Variants in HSD17B2 observed in about 807,000 individuals in gnomAD.
The protein encoded by HSD17B2 is 17-beta-hydroxysteroid dehydrogenase type 2.
HSD17B2 carries 32 observed loss-of-function variants against 26.9 expected under a neutral mutation model. That is an observed-to-expected ratio of 1.19 (90% CI 0.90 to 1.60). The LOEUF is 1.60. Ranked by LOEUF, HSD17B2 falls within the 40% of genes most tolerant of loss-of-function variation. HSD17B2 has a pLI of 0.00. For missense variants in HSD17B2, 613 were observed against 468.6 expected, an observed-to-expected ratio of 1.31 and a Z score of -2.85; for synonymous variants, 246 against 186.7, an observed-to-expected ratio of 1.32 and a Z score of -2.59.
In HSD17B2 at chr16:82,071,059, T is replaced by A; in HGVS notation, c.596T>A (p.Val199Asp). 1 of 1,614,004 alleles carries A rather than the reference T, an allele frequency of 6.2e-7. No homozygotes were observed. The highest frequency in any genetic ancestry group is 8.5e-7 in the Non-Finnish European group (1 of 1,179,918). Residue 199 changes from valine to aspartate, a missense_variant, in exon 3 of 5, where the codon GTC (valine) becomes GAC (aspartate). Val to Asp is a radical substitution (Grantham distance 152). Coordinates refer to ENST00000199936, the MANE Select transcript of HSD17B2 (RefSeq NM_002153.3). ...GTGAACTTCTTTGGAACTGTGGAGG[T>A]CACAAAGACGTTTTTGCCTCTTCTT... ...MAVNFFGTVE[V>D]TKTFLPLLRK...
chr16:82,053,900 A>C (rs1036095251), intron 1 of HSD17B2, among the ~76,000 whole-genome samples: 1 of 152,228 alleles, frequency 6.6e-6, no homozygotes, highest in Non-Finnish European at 1.5e-5. Flanking sequence ...CATAGATAGA[A>C]GTTCATTATC....
intron 1 of HSD17B2, among the ~76,000 whole-genome samples, chr16:82,048,412 AG>A (rs1914002939): frequency 6.6e-6 from 1 of 152,194 alleles, no homozygotes; most frequent in Non-Finnish European, 1.5e-5. Context: ...GGGCACAGGA[AG>A]GAGTCCCAGT....
At position 82,068,358 on chromosome 16, in the gene HSD17B2, G is replaced by A. The variant is rs370225052; in HGVS notation, c.454G>A (p.Val152Ile). Residue 152 changes from valine (V) to isoleucine (I), a missense_variant, in exon 2 of 5, where the codon GTT becomes ATT. Physicochemically the swap from Val to Ile is conservative, Grantham distance 29. Transcript: ENST00000199936. ...PVQIKDAYSK[V>I]AAMLQDRGLW... ...GCAGATAAAAGATGCTTACAGCAAG[G>A]TTGCAGCAATGCTGCAGGACAGAGG... The A allele has an allele frequency of 1.2e-6, 2 of 1,613,166 alleles. No individual in the cohort carries two copies. Among genetic ancestry groups the A allele is most frequent in the South Asian group, 1.1e-5 (1 of 90,912 alleles).
intron 1 of HSD17B2, among the ~76,000 whole-genome samples, chr16:82,057,863 C>T (rs1404230146): frequency 2.6e-5 from 4 of 152,166 alleles, no homozygotes. Flanking sequence ...GAGAACCTGT[C>T]ATAGCCCACA....
chr16:82,035,472 C>T lies in HSD17B2; in HGVS notation c.48C>T (p.Pro16=). 1 of 1,613,934 alleles carries T rather than the reference C, an allele frequency of 6.2e-7. No individual in the cohort carries two copies. The highest frequency in any genetic ancestry group is 8.5e-7 in the Non-Finnish European group (1 of 1,179,932). Residue 16 remains proline (P), a synonymous_variant, in exon 1 of 5, where the codon CCC becomes CCT. Transcript: ENST00000199936. Reference sequence around the variant, plus strand: ...CAGCATGGATCTGCCTGGCTGTCCCCACAGTACTATGTGGGACAGTATTTT... The same window carrying T: ...CAGCATGGATCTGCCTGGCTGTCCCTACAGTACTATGTGGGACAGTATTTT... The part of the protein sequence containing the change: ...SDTAWICLAV[P]TVLCGTVFCK...
At chr16:82,046,655 C>G (rs976772914) in intron 1 of HSD17B2, among the ~76,000 whole-genome samples, 13 of 151,246 alleles carry the variant, frequency 8.6e-5, no homozygotes, top group African/African-American at 2.9e-4. Flanking sequence ...ACCTGGGAGT[C>G]AGATGTTGCA....
chr16:82,079,186 A>G (rs1904323468), intron 3 of HSD17B2, among the ~76,000 whole-genome samples: 1 of 152,226 alleles, frequency 6.6e-6, no homozygotes, highest in Non-Finnish European at 1.5e-5. Context: ...TAAACATTAA[A>G]AAAAAAGAAA....
chr16:82,050,210 G>A (rs1028077872), intron 1 of HSD17B2, among the ~76,000 whole-genome samples: 2 of 152,042 alleles, frequency 1.3e-5, no homozygotes, highest in Admixed American at 6.6e-5. Flanking sequence ...CTTGATTTGG[G>A]ACCCTTCCCT....
Position 82,074,500 on chromosome 16 carries a change from G to A in HSD17B2, c.664+3373G>A, listed in dbSNP as rs149760374. ...ACAGAAACAAAGCGCTGTCAAGATA[G>A]GAAAAAGATATTTCATGCAAATGGG... On this transcript the variant is annotated intron_variant, in intron 3 of 4. Transcript: ENST00000199936. Among the ~76,000 whole-genome samples the A allele has an allele frequency of 1.1e-3, 169 of 152,254 alleles. 2 individuals carry two copies. The highest frequency in any genetic ancestry group is 4.0e-3 in the African/African-American group (167 of 41,546).
chr16:82,083,760 C>A (rs1306302676), intron 3 of HSD17B2, among the ~76,000 whole-genome samples: 2 of 152,076 alleles, frequency 1.3e-5, no homozygotes, highest in African/African-American at 2.4e-5. Context: ...AGGAGATGAC[C>A]CCAACAGGTA....
At chr16:82,056,416 T>C (rs1360450260) in intron 1 of HSD17B2, 2 of 152,244 alleles carry the variant, frequency 1.3e-5, no homozygotes, top group East Asian at 1.9e-4. Flanking sequence ...AAAAAATTTC[T>C]ATTAACCAAG....
At chr16:82,086,940 A>C (rs1904544521) in intron 3 of HSD17B2, among the ~76,000 whole-genome samples, 2 of 152,284 alleles carry the variant, frequency 1.3e-5, no homozygotes, top group Admixed American at 1.3e-4. Context: ...TGCATGTTCA[A>C]GGAGAGAGTG....
At chr16:82,071,579 G>T (rs140009491) in intron 3 of HSD17B2, 2 of 296,846 alleles carry the variant, frequency 6.7e-6, no homozygotes, top group East Asian at 1.8e-4. Flanking sequence ...TTGTTAACCC[G>T]AAGATTGTCC....
chr16:82,076,026 T>C (rs1262190826), intron 3 of HSD17B2, among the ~76,000 whole-genome samples: 1 of 152,130 alleles, frequency 6.6e-6, no homozygotes, highest in Non-Finnish European at 1.5e-5. Context: ...AAAGATCATT[T>C]ATCATGACTA....
chr16:82,073,712 CA>C (rs1292781507), intron 3 of HSD17B2, among the ~76,000 whole-genome samples: 1 of 151,980 alleles, frequency 6.6e-6, no homozygotes, highest in Non-Finnish European at 1.5e-5. Context: ...ATGACACAAA[CA>C]AATGGAAAAA....
chr16:82,052,698 G>A (rs1046451509), intron 1 of HSD17B2, among the ~76,000 whole-genome samples: 10 of 152,112 alleles, frequency 6.6e-5, no homozygotes, highest in Non-Finnish European at 7.4e-5. Context: ...ACAATCCAGG[G>A]AAAAATATCC....
chr16:82,076,955 A>C (rs531914774), intron 3 of HSD17B2, among the ~76,000 whole-genome samples: 57 of 152,332 alleles, frequency 3.7e-4, no homozygotes, highest in African/African-American at 1.3e-3. Flanking sequence ...GAATTAACCT[A>C]ACCAGAGAAG....
chr16:82,042,445 G>T (rs1044697940), intron 1 of HSD17B2, among the ~76,000 whole-genome samples: 1 of 152,148 alleles, frequency 6.6e-6, no homozygotes, highest in African/African-American at 2.4e-5. Context: ...ATGCAAACTG[G>T]AGCACATACC....
chr16:82,083,312 A>G (rs1308744527), intron 3 of HSD17B2, among the ~76,000 whole-genome samples: 1 of 152,068 alleles, frequency 6.6e-6, no homozygotes, highest in African/African-American at 2.4e-5. Flanking sequence ...AGGAACATGA[A>G]AGGGAAAGAG....
Sources: gnomAD v4.1 joint callset for allele counts (sites outside exome capture counted in the v4.1 genomes callset) on GRCh38, gnomAD v4.1.1 for gene constraint, MANE v1.5 for transcripts, NCBI Gene and HGNC (gene_info 2026-07-23, HGNC 2026-07-21) for gene names.